The following RAB31 variants were observed in gnomAD, a reference collection of about 807,000 sequenced individuals.
RAB31 encodes RAB31, member RAS oncogene family.
In RAB31, 21 loss-of-function variants were observed where a neutral mutation model predicts 25.6. The observed-to-expected ratio is 0.82, with a 90% CI of 0.58 to 1.18. RAB31 has a LOEUF of 1.18. Ranked by LOEUF, RAB31 falls within the 50% of genes most tolerant of loss-of-function variation. The pLI, the probability that RAB31 is intolerant of heterozygous loss-of-function variation, is 0.00. For missense variants in RAB31, 196 were observed against 250.1 expected, an observed-to-expected ratio of 0.78 and a Z score of 1.46; for synonymous variants, 87 against 84.0, an observed-to-expected ratio of 1.04 and a Z score of -0.20.
intron 6 of RAB31, 120 bp downstream of exon 6, chr18:9,845,811 T>C (rs2068759035): frequency 4.3e-6 from 6 of 1,381,934 alleles, no homozygotes; most frequent in Non-Finnish European, 5.6e-6. Context: ...TCGGATGCCA[T>C]GGATACAAAA....
chr18:9,782,901 T>G (rs1390663544), intron 2 of RAB31, among the ~76,000 whole-genome samples: 1 of 152,146 alleles, frequency 6.6e-6, no homozygotes, highest in African/African-American at 2.4e-5. Flanking sequence ...TTTTTATTTT[T>G]GTGGAGATGA....
At chr18:9,740,523 G>A (rs1393945730) in intron 1 of RAB31, among the ~76,000 whole-genome samples, 2 of 152,128 alleles carry the variant, frequency 1.3e-5, no homozygotes. Flanking sequence ...AGACCAGCCT[G>A]GCAACATGGT....
chr18:9,784,436 A>G (rs2068421629), intron 2 of RAB31, among the ~76,000 whole-genome samples: 2 of 152,216 alleles, frequency 1.3e-5, no homozygotes, highest in Admixed American at 1.3e-4. Flanking sequence ...AATAGTGAAC[A>G]ATAGATAACC....
At chr18:9,833,391 G>T (rs115314303) in intron 5 of RAB31, among the ~76,000 whole-genome samples, 140 of 152,336 alleles carry the variant, frequency 9.2e-4, no homozygotes, top group African/African-American at 3.0e-3. Context: ...AGGGAGGCAG[G>T]TCACAATGTG....
rs1288575957 is a variant in RAB31 at position 9,862,095 on chromosome 18, A to G, written c.*2770A>G. On this transcript the variant is annotated 3_prime_UTR_variant, in exon 7 of 7. Transcript: ENST00000578921. ...GGAAACTGAGTTCATTTTCTGAGAA[A>G]GGTTTGGATGACTGAAATATTTCCT... 2.0e-5 allele frequency: 3 copies of G among 152,638 alleles called. No individual in the cohort carries two copies. Among genetic ancestry groups the G allele is most frequent in the Non-Finnish European group, 1.5e-5 (1 of 68,042 alleles). 9.5% of individuals were successfully genotyped at this position (152,638 alleles called of 1,614,324 possible).
At chr18:9,732,027 T>C (rs1473986320) in intron 1 of RAB31, among the ~76,000 whole-genome samples, 3 of 152,180 alleles carry the variant, frequency 2.0e-5, no homozygotes, top group Admixed American at 6.5e-5. Flanking sequence ...TTTATATATT[T>C]ACATGCGCAG....
intron 1 of RAB31, among the ~76,000 whole-genome samples, chr18:9,731,174 G>T (rs1475946671): frequency 6.6e-6 from 1 of 151,966 alleles, no homozygotes; most frequent in Non-Finnish European, 1.5e-5. Context: ...CGAACTCCTG[G>T]ACTCAAGTGA....
At chr18:9,753,428 T>C (rs1196738301) in intron 1 of RAB31, among the ~76,000 whole-genome samples, 1 of 152,208 alleles carries the variant, frequency 6.6e-6, no homozygotes, top group African/African-American at 2.4e-5. Context: ...CTGCTCCACC[T>C]TGGGACTCTA....
At chr18:9,838,725 G>C (rs2068717350) in intron 5 of RAB31, among the ~76,000 whole-genome samples, 1 of 152,214 alleles carries the variant, frequency 6.6e-6, no homozygotes, top group Non-Finnish European at 1.5e-5. Context: ...AGAAGCCTCT[G>C]AGTGCCAGGG....
intron 2 of RAB31, among the ~76,000 whole-genome samples, chr18:9,776,489 C>G (rs1319041474): frequency 6.6e-6 from 1 of 152,082 alleles, no homozygotes; most frequent in Non-Finnish European, 1.5e-5. Context: ...TGAGAAAACC[C>G]ACATTTTGTA....
chr18:9,825,733 T>C (rs2068646607), intron 5 of RAB31, among the ~76,000 whole-genome samples: 1 of 152,246 alleles, frequency 6.6e-6, no homozygotes, highest in African/African-American at 2.4e-5. Context: ...CTGCACTGTC[T>C]GGGCTTCTCT....
At chr18:9,805,893 G>A (rs1019042067) in intron 3 of RAB31, among the ~76,000 whole-genome samples, 1 of 151,760 alleles carries the variant, frequency 6.6e-6, no homozygotes, top group African/African-American at 2.4e-5. Context: ...GCTGTGTGTC[G>A]ACTGGGCGCA....
intron 3 of RAB31, among the ~76,000 whole-genome samples, chr18:9,802,938 A>G (rs964378706): frequency 6.6e-6 from 1 of 152,224 alleles, no homozygotes; most frequent in Non-Finnish European, 1.5e-5. Flanking sequence ...ATAGGCCATT[A>G]GTAAAGTCAG....
intron 1 of RAB31, among the ~76,000 whole-genome samples, chr18:9,769,917 C>T (rs2068335501): frequency 6.6e-6 from 1 of 152,106 alleles, no homozygotes; most frequent in Admixed American, 6.5e-5. Context: ...TTATCAAAGG[C>T]CTTTTCTGCA....
Position 9,817,415 on chromosome 18 carries a change from G to T in RAB31, c.380+2193G>T, listed in dbSNP as rs2284142. On this transcript the variant is annotated intron_variant, in intron 5 of 6. Coordinates refer to ENST00000578921, the MANE Select transcript of RAB31 (RefSeq NM_006868.4). Reference sequence around the variant, plus strand: ...ATTGGAAGATACTGGTAATCCACATGGTAAAAACAGAACTGCCCTCAGCTC... The same window carrying T: ...ATTGGAAGATACTGGTAATCCACATTGTAAAAACAGAACTGCCCTCAGCTC... Among the ~76,000 whole-genome samples, 4 of 152,154 alleles carry T rather than the reference G, an allele frequency of 2.6e-5. No homozygotes were observed. The East Asian group carries it at 7.8e-4, about 30-fold the overall frequency.
chr18:9,777,877 C>T (rs1278072492), intron 2 of RAB31, among the ~76,000 whole-genome samples: 2 of 151,464 alleles, frequency 1.3e-5, no homozygotes, highest in South Asian at 2.1e-4. Flanking sequence ...GCCTCAGCCT[C>T]CTGAGTAGCT....
intron 1 of RAB31, among the ~76,000 whole-genome samples, chr18:9,754,055 G>A (rs1273496611): frequency 1.3e-5 from 2 of 152,130 alleles, no homozygotes; most frequent in Admixed American, 6.5e-5. Context: ...GAGGGGTGCA[G>A]GGCTCCTGCC....
chr18:9,780,387 A>G (rs1204361502), intron 2 of RAB31, among the ~76,000 whole-genome samples: 1 of 152,212 alleles, frequency 6.6e-6, no homozygotes, highest in Non-Finnish European at 1.5e-5. Context: ...CTCATCATAA[A>G]CAACTGAAAA....
At chr18:9,853,449 A>T (rs2068799017) in intron 6 of RAB31, among the ~76,000 whole-genome samples, 1 of 152,238 alleles carries the variant, frequency 6.6e-6, no homozygotes, top group African/African-American at 2.4e-5. Context: ...TACACACTGT[A>T]TGACTCCAAC....
Sources: allele counts gnomAD v4.1 joint callset (sites outside exome capture counted in the v4.1 genomes callset), GRCh38; gene constraint gnomAD v4.1.1; transcripts MANE v1.5; gene names NCBI Gene and HGNC (gene_info 2026-07-23, HGNC 2026-07-21).